Variants in ARHGAP15 observed in about 807,000 individuals in gnomAD.
ARHGAP15 encodes Rho GTPase activating protein 15.
ARHGAP15 carries 51 observed loss-of-function variants against 63.7 expected under a neutral mutation model. The ratio of observed to expected loss-of-function variants is 0.80; its 90% CI spans 0.64 to 1.01. The LOEUF (loss-of-function observed/expected upper bound fraction) is 1.01, where lower values mean the gene tolerates loss of function less well. Among genes scored for constraint, ARHGAP15 ranks in the 50% least tolerant of loss-of-function variants. The probability of loss-of-function intolerance (pLI) is 0.00; values close to 1 mark genes in which losing one functional copy is unlikely to be tolerated. For synonymous variants in ARHGAP15, 191 were observed against 193.8 expected, an observed-to-expected ratio of 0.99 and a Z score of 0.12; for missense variants, 560 against 564.6, an observed-to-expected ratio of 0.99 and a Z score of 0.08.
At chr2:143,455,940 C>T (rs1690630459) in intron 8 of ARHGAP15, among the ~76,000 whole-genome samples, 1 of 151,988 alleles carries the variant, frequency 6.6e-6, no homozygotes, top group African/African-American at 2.4e-5. Context: ...GGATCTGTCA[C>T]TTGTTAGTAA....
intron 11 of ARHGAP15, among the ~76,000 whole-genome samples, chr2:143,579,678 G>A (rs1174175595): frequency 2.0e-5 from 3 of 147,788 alleles, no homozygotes; most frequent in Non-Finnish European, 3.0e-5. Flanking sequence ...GTATAAATCA[G>A]CCAGATCTTT....
intron 10 of ARHGAP15, among the ~76,000 whole-genome samples, chr2:143,537,108 A>T (rs1694807894): frequency 1.3e-5 from 2 of 152,052 alleles, no homozygotes; most frequent in African/African-American, 4.8e-5. Context: ...TTTGATTTGC[A>T]TTTCTCTGAT....
At chr2:143,748,561 T>A (rs1290399432) in intron 13 of ARHGAP15, among the ~76,000 whole-genome samples, 58 of 152,340 alleles carry the variant, frequency 3.8e-4, no homozygotes, top group Non-Finnish European at 2.4e-4. Flanking sequence ...TTTCAGTCAT[T>A]TGCTGCGTGT....
At position 143,322,542 on chromosome 2, in the gene ARHGAP15, G is replaced by A. The variant is rs138928808; in HGVS notation, c.474+71942G>A. Among the ~76,000 whole-genome samples, 463 of 152,014 alleles carry A rather than the reference G, an allele frequency of 3.0e-3. 6 individuals carry two copies. Among genetic ancestry groups the A allele is most frequent in the Admixed American group, 2.4e-3 (37 of 15,266 alleles). On this transcript the variant is annotated intron_variant, in intron 6 of 13. Coordinates refer to ENST00000295095, the MANE Select transcript of ARHGAP15 (RefSeq NM_018460.4). ...ACAATAATGTAATAACAACAAAAGG[G>A]ATATTCTTAATAATAGCAAGTAACC...
chr2:143,667,449 T>A (rs1217396044), intron 12 of ARHGAP15, among the ~76,000 whole-genome samples: 1 of 140,456 alleles, frequency 7.1e-6, no homozygotes, highest in African/African-American at 2.6e-5. Context: ...AGAGATAGCA[T>A]TGGGAGATAT....
intron 12 of ARHGAP15, among the ~76,000 whole-genome samples, chr2:143,659,521 G>T (rs1574789443): frequency 6.6e-6 from 1 of 152,204 alleles, no homozygotes; most frequent in Middle Eastern, 3.4e-3. Context: ...GATTTCCTGG[G>T]TCAGCCAGTC....
chr2:143,546,984 T>C (rs1695361441), intron 10 of ARHGAP15, among the ~76,000 whole-genome samples: 1 of 152,092 alleles, frequency 6.6e-6, no homozygotes, highest in Non-Finnish European at 1.5e-5. Context: ...TTTCCCAATC[T>C]CCAGAAATCA....
At chr2:143,580,389 C>T (rs533921430) in intron 11 of ARHGAP15, among the ~76,000 whole-genome samples, 1 of 152,142 alleles carries the variant, frequency 6.6e-6, no homozygotes, top group East Asian at 1.9e-4. Flanking sequence ...TATTTCCAGC[C>T]CACGCCCAAC....
chr2:143,581,158 C>T (rs971722390), intron 11 of ARHGAP15, among the ~76,000 whole-genome samples: 7 of 152,138 alleles, frequency 4.6e-5, no homozygotes, highest in Middle Eastern at 3.4e-3. Context: ...CAGGCATACT[C>T]GATGGACTAA....
chr2:143,435,214 A>G (rs779427022), intron 6 of ARHGAP15: 171 of 980,978 alleles, frequency 1.7e-4, no homozygotes, highest in South Asian at 8.5e-4. Flanking sequence ...TTTGAAAAAG[A>G]CAGACAGGAA....
chr2:143,159,357 T>C (rs1424690078), intron 2 of ARHGAP15, among the ~76,000 whole-genome samples: 1 of 151,968 alleles, frequency 6.6e-6, no homozygotes, highest in Admixed American at 6.6e-5. Context: ...AAATTGCTAC[T>C]AAAAATATAA....
chr2:143,142,008 G>C (rs1209442214), intron 1 of ARHGAP15, among the ~76,000 whole-genome samples: 2 of 152,060 alleles, frequency 1.3e-5, no homozygotes, highest in Non-Finnish European at 2.9e-5. Context: ...ACCCGCAGCT[G>C]TCTCTTACCA....
At chr2:143,580,022 T>A (rs1281843689) in intron 11 of ARHGAP15, among the ~76,000 whole-genome samples, 3 of 147,190 alleles carry the variant, frequency 2.0e-5, no homozygotes, top group Non-Finnish European at 3.0e-5. Flanking sequence ...GAAAGAACAC[T>A]GAGAGCTGAA....
At chr2:143,376,147 C>T (rs530261515) in intron 6 of ARHGAP15, among the ~76,000 whole-genome samples, 1 of 152,052 alleles carries the variant, frequency 6.6e-6, no homozygotes, top group Non-Finnish European at 1.5e-5. Context: ...ATTATGCAAC[C>T]CTTTAGTATT....
At chr2:143,443,329 C>T (rs1340492770) in intron 8 of ARHGAP15, among the ~76,000 whole-genome samples, 1 of 151,842 alleles carries the variant, frequency 6.6e-6, no homozygotes, top group Non-Finnish European at 1.5e-5. Flanking sequence ...AGAGCTCTTT[C>T]CTGGAAAAAC....
At chr2:143,622,781 TAAAAAAAAAAAAAAAAA>T (rs34925907) in intron 11 of ARHGAP15, among the ~76,000 whole-genome samples, 1 of 109,040 alleles carries the variant, frequency 9.2e-6, no homozygotes, top group Non-Finnish European at 1.9e-5. Context: ...TTCATTTATT[TAAAAAAAAAAAAAAAAA>T]AAAAAAAAAG....
At position 143,437,103 on chromosome 2, in the gene ARHGAP15, T is replaced by C. The variant is rs78882205; in HGVS notation, c.703+61T>C. ...GTCTAAATGCAGTGCTTATGAAATA[T>C]AAATGCATTGAAATGAGATTTAAGC... is the stretch of plus-strand genomic sequence containing the variant. On this transcript the variant is annotated intron_variant, in intron 8 of 13. Transcript: ENST00000295095. 165 of 1,514,086 alleles carry C rather than the reference T, an allele frequency of 1.1e-4. 1 individual carries two copies. In the African/African-American group the frequency reaches 2.1e-3, roughly 20 times the overall value. The allele number at this position is 1,514,086 out of a possible 1,614,324, so 93.8% of individuals were successfully genotyped here.
chr2:143,217,166 C>T (rs1692788680), intron 4 of ARHGAP15, among the ~76,000 whole-genome samples: 1 of 152,066 alleles, frequency 6.6e-6, no homozygotes, highest in Non-Finnish European at 1.5e-5. Context: ...AAATGTATTA[C>T]TAACAATTAA....
intron 2 of ARHGAP15, among the ~76,000 whole-genome samples, chr2:143,157,978 G>A (rs1574025087): frequency 6.6e-6 from 1 of 151,848 alleles, no homozygotes; most frequent in East Asian, 2.0e-4. Context: ...AGTCTGTACA[G>A]AAAAAAATCA....
Sources: allele counts gnomAD v4.1 joint callset (sites outside exome capture counted in the v4.1 genomes callset), GRCh38; gene constraint gnomAD v4.1.1; transcripts MANE v1.5; gene names NCBI Gene and HGNC (gene_info 2026-07-23, HGNC 2026-07-21).